The following OLFML2B variants were observed in gnomAD, a reference collection of about 807,000 sequenced individuals.
OLFML2B encodes the protein olfactomedin-like protein 2B.
Under a neutral mutation model 74.9 loss-of-function variants are expected in OLFML2B, and 57 were observed. The observed-to-expected ratio is 0.76, with a 90% CI of 0.61 to 0.95. The LOEUF (loss-of-function observed/expected upper bound fraction) is 0.95, where lower values mean the gene tolerates loss of function less well. Among genes scored for constraint, OLFML2B ranks in the 40% least tolerant of loss-of-function variants. The probability of loss-of-function intolerance (pLI) is 0.00; values close to 1 mark genes in which losing one functional copy is unlikely to be tolerated. For synonymous variants in OLFML2B, 388 were observed against 405.8 expected, an observed-to-expected ratio of 0.96 and a Z score of 0.53; for missense variants, 986 against 970.6, an observed-to-expected ratio of 1.02 and a Z score of -0.21.
intron 3 of OLFML2B, among the ~76,000 whole-genome samples, chr1:162,012,507 C>T (rs1164359713): frequency 2.6e-5 from 4 of 152,194 alleles, no homozygotes; most frequent in African/African-American, 9.7e-5. Context: ...CCATCGTGGA[C>T]TTAAATCTTC....
chr1:161,989,323 C>A (rs1320106211), intron 6 of OLFML2B, among the ~76,000 whole-genome samples: 1 of 152,214 alleles, frequency 6.6e-6, no homozygotes. Context: ...AACTCAGATG[C>A]CTACAGGGGT....
Position 161,983,621 on chromosome 1 carries a change from T to G in OLFML2B, c.*54A>C. The stretch of plus-strand genomic sequence containing the variant: ...CTACACACACGTGCGCGCACACACA[T>G]ACACACAAGGTGCTAGTGACCCCTC... On this transcript the variant is annotated 3_prime_UTR_variant, in exon 8 of 8. Coordinates refer to ENST00000294794, the MANE Select transcript of OLFML2B (RefSeq NM_015441.3). 1 of 1,561,108 alleles carries G rather than the reference T, an allele frequency of 6.4e-7. No individual in the cohort carries two copies. Among genetic ancestry groups the G allele is most frequent in the South Asian group, 1.2e-5 (1 of 82,618 alleles).
intron 6 of OLFML2B, among the ~76,000 whole-genome samples, chr1:161,989,610 T>C (rs2250998): frequency 0.8 from 121,280 of 151,610 alleles, 48,867 homozygotes; most frequent in Non-Finnish European, 0.85. Flanking sequence ...GACCCTTGCT[T>C]TGAAGGGCTG....
chr1:161,991,819 A>G (rs1346423242), intron 6 of OLFML2B, among the ~76,000 whole-genome samples: 2 of 152,234 alleles, frequency 1.3e-5, no homozygotes, highest in Non-Finnish European at 2.9e-5. Flanking sequence ...AAGATGTGCT[A>G]TTATCCAAGC....
At chr1:162,018,107 A>T (rs1000093366) in intron 2 of OLFML2B, among the ~76,000 whole-genome samples, 5 of 152,172 alleles carry the variant, frequency 3.3e-5, no homozygotes, top group African/African-American at 1.2e-4. Flanking sequence ...CAAAGAAGGG[A>T]ATAACAGATG....
At chr1:162,015,966 C>G (rs1302204907) in intron 3 of OLFML2B, among the ~76,000 whole-genome samples, 2 of 152,210 alleles carry the variant, frequency 1.3e-5, no homozygotes, top group East Asian at 3.8e-4. Flanking sequence ...ACCAACCCTC[C>G]CAGAGCCAAC....
chr1:162,017,842 T>C (rs1324134848), intron 2 of OLFML2B, among the ~76,000 whole-genome samples: 2 of 152,202 alleles, frequency 1.3e-5, no homozygotes, highest in African/African-American at 4.8e-5. Context: ...TGTGAGCTCC[T>C]TGAAAGTAGT....
In OLFML2B at chr1:162,020,140, A is replaced by G. The variant is rs1690659741; in HGVS notation, c.217T>C (p.Ser73Pro). Residue 73 changes from serine (S) to proline (P), a missense_variant, in exon 2 of 8, where the codon TCG becomes CCG. Ser to Pro is a moderately conservative substitution (Grantham distance 74). Coordinates refer to ENST00000294794, the MANE Select transcript of OLFML2B (RefSeq NM_015441.3). ...ACCACACACTTGCACTGACAGTCCG[A>G]GCCCTCAGACATAGCCTTGACCTTG... Reference protein sequence around the residue: ...YDKVKAMSEGSDCQCKCVVRP... With the variant: ...YDKVKAMSEGPDCQCKCVVRP... The G allele has an allele frequency of 6.2e-7, 1 of 1,614,228 alleles. No homozygotes were observed. The highest frequency in any genetic ancestry group is 8.5e-7 in the Non-Finnish European group (1 of 1,180,032).
chr1:162,001,999 C>G (rs973612479), intron 4 of OLFML2B, among the ~76,000 whole-genome samples: 7 of 152,228 alleles, frequency 4.6e-5, no homozygotes, highest in Non-Finnish European at 7.3e-5. Context: ...CTCCACAGAG[C>G]TGCTGCCCAA....
intron 6 of OLFML2B, 129 bp from the exon 7 acceptor site, chr1:161,985,109 C>A: frequency 1.1e-6 from 1 of 895,320 alleles, no homozygotes; most frequent in Non-Finnish European, 1.6e-6. Context: ...TAACCTGACC[C>A]CAAACATTTT....
Position 162,019,945 on chromosome 1 carries a change from G to A in OLFML2B, c.412C>T (p.Arg138Trp), listed in dbSNP as rs149125065. ...CEGDFRLQKL[R>W]EADSQDLKLS... The stretch of plus-strand genomic sequence containing the variant: ...TTCAAGTCCTGGCTGTCTGCCTCCC[G>A]CAGCTTCTGGAGCCTGAAGTCTCCC... Residue 138 changes from arginine (R) to tryptophan (W), a missense_variant, in exon 2 of 8, where the codon CGG (arginine) becomes TGG (tryptophan). Transcript: ENST00000294794. 3.7e-5 allele frequency: 59 copies of A among 1,614,058 alleles called. No individual in the cohort carries two copies. The African/African-American group carries it at 4.9e-4, about 14-fold the overall frequency.
intron 6 of OLFML2B, among the ~76,000 whole-genome samples, chr1:161,993,728 C>A (rs1689809715): frequency 6.6e-6 from 1 of 152,204 alleles, no homozygotes; most frequent in South Asian, 2.1e-4. Context: ...ATGCTCTTGG[C>A]TCTGCCTGGA....
chr1:162,022,512 G>C (rs148894144), intron 1 of OLFML2B, among the ~76,000 whole-genome samples: 1 of 152,008 alleles, frequency 6.6e-6, no homozygotes, highest in African/African-American at 2.4e-5. Flanking sequence ...GCCTCCCAAA[G>C]TGCTGGGATT....
intron 6 of OLFML2B, among the ~76,000 whole-genome samples, chr1:161,990,709 T>A (rs1414188928): frequency 6.6e-6 from 1 of 152,176 alleles, no homozygotes; most frequent in African/African-American, 2.4e-5. Flanking sequence ...ACAATGAAGT[T>A]TGCTGCATCA....
At position 162,022,333 on chromosome 1, in the gene OLFML2B, C is replaced by A. The variant is rs552042880; in HGVS notation, c.174+924G>T. On this transcript the variant is annotated intron_variant, in intron 1 of 7. Transcript: ENST00000294794. Reference sequence around the variant, plus strand: ...TGGCGCGATCTCCGCTTACTGCAACCTCCACCTCCCGGGTTCAAGCGATTC... The same window carrying A: ...TGGCGCGATCTCCGCTTACTGCAACATCCACCTCCCGGGTTCAAGCGATTC... Among the ~76,000 whole-genome samples, 4 of 148,384 alleles carry A rather than the reference C, an allele frequency of 2.7e-5. No homozygotes were observed. In the South Asian group the frequency reaches 8.6e-4, roughly 32 times the overall value.
rs780367155 is a variant in OLFML2B at position 162,017,502 on chromosome 1, G to A, written c.444C>T (p.Ser148=). Residue 148 remains serine, a synonymous_variant, in exon 3 of 8, where the codon TCC becomes TCT. Coordinates refer to ENST00000294794, the MANE Select transcript of OLFML2B (RefSeq NM_015441.3). ...CTCCTTCCAACATGTCTATGATTGT[G>A]GAGAGCTATGAAACAAGGCAAGGGG... is the stretch of plus-strand genomic sequence containing the variant. The part of the protein sequence containing the change: ...READSQDLKL[S]TIIDMLEGAF... 5.0e-6 allele frequency: 8 copies of A among 1,609,928 alleles called. No homozygotes were observed. In the South Asian group the frequency reaches 7.8e-5, roughly 16 times the overall value.
Position 161,984,026 on chromosome 1 carries a change from C to G in OLFML2B, c.1902G>C (p.Pro634=). The G allele has an allele frequency of 6.2e-7, 1 of 1,614,178 alleles. No homozygotes were observed. Among genetic ancestry groups the G allele is most frequent in the Non-Finnish European group, 8.5e-7 (1 of 1,180,046 alleles). The change falls in exon 8 of 8, where the codon CCG becomes CCC. Residue 634 remains proline (P), a synonymous_variant. Transcript: ENST00000294794. The stretch of plus-strand genomic sequence containing the variant: ...GGCTGAAGCCCTCATCGTCCAGGGC[C>G]GGGTAGATGAGCCATAGGCCATTCT... The part of the protein sequence containing the change: ...VDENGLWLIY[P]ALDDEGFSQE...
chr1:162,017,588 G>C (rs1198725361), intron 2 of OLFML2B, 81 bp from the exon 3 acceptor site: 2 of 1,001,034 alleles, frequency 2.0e-6, no homozygotes, highest in East Asian at 5.2e-5. Context: ...CTGCATACTG[G>C]GGGCTCGACA....
chr1:162,009,533 G>T (rs1339526557), intron 3 of OLFML2B, among the ~76,000 whole-genome samples: 1 of 152,204 alleles, frequency 6.6e-6, no homozygotes, highest in African/African-American at 2.4e-5. Context: ...ATCCCCTTTT[G>T]GGTGTCAGTG....
Sources: allele counts gnomAD v4.1 joint callset (sites outside exome capture counted in the v4.1 genomes callset), GRCh38; gene constraint gnomAD v4.1.1; transcripts MANE v1.5; gene names NCBI Gene and HGNC (gene_info 2026-07-23, HGNC 2026-07-21).